The following GRID2 variants were observed in gnomAD, a reference collection of about 807,000 sequenced individuals.
GRID2 encodes glutamate receptor ionotropic, delta-2.
In GRID2, 33 loss-of-function variants were observed where a neutral mutation model predicts 114.8. The observed-to-expected ratio is 0.29, with a 90% CI of 0.22 to 0.38. The LOEUF (loss-of-function observed/expected upper bound fraction) is 0.38, where lower values mean the gene tolerates loss of function less well. Among genes scored for constraint, GRID2 ranks in the 10% least tolerant of loss-of-function variants. The pLI, the probability that GRID2 is intolerant of heterozygous loss-of-function variation, is 1.00. For missense variants in GRID2, 1,184 were observed against 1,257.7 expected, an observed-to-expected ratio of 0.94 and a Z score of 0.89; for synonymous variants, 505 against 449.9, an observed-to-expected ratio of 1.12 and a Z score of -1.55.
At chr4:93,592,564 C>A (rs1055034051) in intron 13 of GRID2, among the ~76,000 whole-genome samples, 50 of 152,156 alleles carry the variant, frequency 3.3e-4, no homozygotes, top group African/African-American at 1.2e-3. Context: ...CTGTAGATGT[C>A]TATTAGGTCT....
At chr4:93,670,797 T>G (rs1187517737) in intron 14 of GRID2, among the ~76,000 whole-genome samples, 1 of 152,224 alleles carries the variant, frequency 6.6e-6, no homozygotes, top group Admixed American at 6.5e-5. Flanking sequence ...AACCCACTAC[T>G]AATCTCATTT....
chr4:92,732,599 C>T (rs754043986), intron 2 of GRID2, among the ~76,000 whole-genome samples: 1 of 151,918 alleles, frequency 6.6e-6, no homozygotes, highest in Non-Finnish European at 1.5e-5. Context: ...TTGTTTATTC[C>T]AGCCATTATT....
At chr4:93,562,991 T>C (rs2149566692) in intron 13 of GRID2, among the ~76,000 whole-genome samples, 1 of 152,142 alleles carries the variant, frequency 6.6e-6, no homozygotes, top group African/African-American at 2.4e-5. Flanking sequence ...ATTGTAAGCC[T>C]TCAAGTCAGG....
intron 1 of GRID2, among the ~76,000 whole-genome samples, chr4:93,794,592 G>A (rs747885596): frequency 2.0e-5 from 3 of 152,154 alleles, no homozygotes; most frequent in South Asian, 2.1e-4. Flanking sequence ...TCTTCAAAGC[G>A]TCTCGGCGAG....
chr4:92,521,732 C>A (rs1193757631), intron 1 of GRID2, among the ~76,000 whole-genome samples: 1 of 151,592 alleles, frequency 6.6e-6, no homozygotes, highest in Non-Finnish European at 1.5e-5. Context: ...GCAGAGGGGG[C>A]ATTATAAGAA....
At chr4:93,016,898 A>T (rs1722802111) in intron 2 of GRID2, among the ~76,000 whole-genome samples, 1 of 152,070 alleles carries the variant, frequency 6.6e-6, no homozygotes, top group African/African-American at 2.4e-5. Context: ...TTTTTAAATG[A>T]CTTTCTTGAG....
intron 2 of GRID2, among the ~76,000 whole-genome samples, chr4:92,700,398 A>G (rs567661706): frequency 2.0e-5 from 3 of 152,286 alleles, no homozygotes; most frequent in African/African-American, 7.2e-5. Context: ...CACCTAAAAT[A>G]TCTCATATAT....
chr4:92,722,882 T>C (rs1735878259), intron 2 of GRID2, among the ~76,000 whole-genome samples: 1 of 52,164 alleles, frequency 1.9e-5, no homozygotes, highest in Admixed American at 1.5e-4. Flanking sequence ...TGAACATTTA[T>C]AATAATAATA....
chr4:92,783,543 CATTTT>C (rs1739182143), intron 2 of GRID2, among the ~76,000 whole-genome samples: 1 of 152,010 alleles, frequency 6.6e-6, no homozygotes, highest in East Asian at 1.9e-4. Context: ...GTTTTGCTCT[CATTTT>C]AAGTATTCAC....
chr4:93,809,304 G>A (rs1735088954), exon 2 of GRID2: 1 of 152,140 alleles, frequency 6.6e-6, no homozygotes, highest in Admixed American at 6.5e-5. Flanking sequence ...ATGTATTCCA[G>A]GCTGAAACTC....
chr4:93,065,245 T>A (rs1728198355), intron 2 of GRID2, among the ~76,000 whole-genome samples: 1 of 151,920 alleles, frequency 6.6e-6, no homozygotes, highest in South Asian at 2.1e-4. Context: ...TGAGAGATTA[T>A]ATTTAAAAGT....
chr4:92,616,055 C>T (rs1488199978), intron 2 of GRID2, among the ~76,000 whole-genome samples: 1 of 151,598 alleles, frequency 6.6e-6, no homozygotes, highest in Non-Finnish European at 1.5e-5. Context: ...TATTTGCCCA[C>T]ATAATTATCT....
At chr4:93,102,050 A>T (rs1247416533) in intron 3 of GRID2, among the ~76,000 whole-genome samples, 3 of 148,434 alleles carry the variant, frequency 2.0e-5, no homozygotes, top group South Asian at 4.2e-4. Context: ...TGTTTGCTTT[A>T]AAAAAAAATG....
chr4:92,681,783 A>C (rs1300624162), intron 2 of GRID2, among the ~76,000 whole-genome samples: 1 of 152,178 alleles, frequency 6.6e-6, no homozygotes, highest in African/African-American at 2.4e-5. Context: ...GAGAAAAACA[A>C]TAGAGTCATT....
intron 2 of GRID2, among the ~76,000 whole-genome samples, chr4:92,731,164 TTCA>T (rs1251789407): frequency 6.6e-6 from 1 of 151,904 alleles, no homozygotes; most frequent in African/African-American, 2.4e-5. Context: ...TTAAAAGCTC[TTCA>T]TCATTATAGA....
chr4:92,797,801 G>C (rs1341739367), intron 2 of GRID2, among the ~76,000 whole-genome samples: 4 of 151,714 alleles, frequency 2.6e-5, no homozygotes, highest in Non-Finnish European at 5.9e-5. Context: ...TGCACAGACT[G>C]GACCTATGCA....
intron 13 of GRID2, among the ~76,000 whole-genome samples, chr4:93,622,287 C>G (rs529803833): frequency 2.0e-5 from 3 of 152,174 alleles, no homozygotes; most frequent in Non-Finnish European, 4.4e-5. Flanking sequence ...CACACTAACA[C>G]TCCAAGCATC....
At chr4:93,091,451 A>G (rs2149329430) in intron 3 of GRID2, among the ~76,000 whole-genome samples, 1 of 152,272 alleles carries the variant, frequency 6.6e-6, no homozygotes, top group Non-Finnish European at 1.5e-5. Context: ...GTTCTGTACC[A>G]GAGAGTTTTC....
chr4:92,668,256 G>A (rs1258844910), intron 2 of GRID2, among the ~76,000 whole-genome samples: 2 of 151,666 alleles, frequency 1.3e-5, no homozygotes. Flanking sequence ...TTGGCTTAAG[G>A]TGAAATGAAT....
Sources: allele counts gnomAD v4.1 joint callset (sites outside exome capture counted in the v4.1 genomes callset), GRCh38; gene constraint gnomAD v4.1.1; transcripts MANE v1.5; gene names NCBI Gene and HGNC (gene_info 2026-07-23, HGNC 2026-07-21).